MTUS2: variants seen among roughly 807,000 people sequenced by gnomAD.
MTUS2 encodes microtubule associated scaffold protein 2.
MTUS2 carries 40 observed loss-of-function variants against 114.1 expected under a neutral mutation model. That is an observed-to-expected ratio of 0.35 (90% CI 0.27 to 0.46). The LOEUF (loss-of-function observed/expected upper bound fraction) is 0.46. Among genes scored for constraint, MTUS2 ranks in the 20% least tolerant of loss-of-function variants. The pLI is 1.00. For synonymous variants in MTUS2, 688 were observed against 672.0 expected (o/e 1.02, Z -0.37); for missense variants, 1,679 against 1,705.4 (o/e 0.98, Z 0.27).
chr13:28,966,665 C>T (rs566478415), intron 2 of MTUS2, among the ~76,000 whole-genome samples: 9 of 136,892 alleles, frequency 6.6e-5, no homozygotes, highest in Non-Finnish European at 1.1e-4. Flanking sequence ...GTCCATGCTG[C>T]AGTGAGCTGT....
chr13:28,859,276 T>G (rs1876827270), intron 2 of MTUS2, among the ~76,000 whole-genome samples: 1 of 152,208 alleles, frequency 6.6e-6, no homozygotes, highest in Admixed American at 6.5e-5. Flanking sequence ...AACTGTGGGC[T>G]GCTTGTGGCA....
chr13:29,072,285 G>T (rs1379225951), intron 4 of MTUS2: 5 of 152,032 alleles, frequency 3.3e-5, no homozygotes, highest in Non-Finnish European at 4.4e-5. Flanking sequence ...TCTTACAATT[G>T]AATTACTCTC....
intron 8 of MTUS2, among the ~76,000 whole-genome samples, chr13:29,398,623 C>T (rs1028522990): frequency 4.6e-5 from 7 of 152,070 alleles, no homozygotes; most frequent in South Asian, 4.2e-4. Context: ...TGGAAATAAA[C>T]TTGGACCTGA....
chr13:28,877,925 T>C (rs1878043376), intron 2 of MTUS2, among the ~76,000 whole-genome samples: 1 of 152,180 alleles, frequency 6.6e-6, no homozygotes, highest in Non-Finnish European at 1.5e-5. Flanking sequence ...TGCTGGCTTG[T>C]TTGTTTTATC....
At position 29,064,697 on chromosome 13, in the gene MTUS2, G is replaced by A. The variant is rs150417854; in HGVS notation, c.2446+30572G>A. Among the ~76,000 whole-genome samples the A allele has an allele frequency of 2.5e-3, 379 of 152,102 alleles. 3 individuals carry two copies. Among genetic ancestry groups the A allele is most frequent in the Non-Finnish European group, 4.4e-3 (302 of 67,988 alleles). On this transcript the variant is annotated intron_variant, in intron 4 of 15. Coordinates refer to ENST00000612955, the MANE Select transcript of MTUS2 (RefSeq NM_001033602.4). ...TGTTATATAGGTTAGCATGTGACAGGGGTTTCTTATACAGATTATTTTGTC... is the reference window on the plus strand; with the variant it reads ...TGTTATATAGGTTAGCATGTGACAGAGGTTTCTTATACAGATTATTTTGTC...
At chr13:29,367,479 C>T (rs575616013) in intron 8 of MTUS2, among the ~76,000 whole-genome samples, 3 of 152,290 alleles carry the variant, frequency 2.0e-5, no homozygotes, top group African/African-American at 7.2e-5. Context: ...TTTTGGACAG[C>T]AGCTGCAGCG....
chr13:28,937,637 G>C (rs903166233), intron 2 of MTUS2, among the ~76,000 whole-genome samples: 2 of 152,156 alleles, frequency 1.3e-5, no homozygotes, highest in African/African-American at 4.8e-5. Context: ...GGACTTCCTA[G>C]CTCTCTGTCA....
intron 2 of MTUS2, among the ~76,000 whole-genome samples, chr13:28,923,334 G>A (rs1348037610): frequency 1.3e-5 from 2 of 152,194 alleles, no homozygotes; most frequent in Non-Finnish European, 2.9e-5. Flanking sequence ...TGATGATTGA[G>A]TTCTGATTGT....
intron 2 of MTUS2, among the ~76,000 whole-genome samples, chr13:28,977,325 T>G (rs925690300): frequency 2.0e-5 from 3 of 152,024 alleles, no homozygotes; most frequent in Non-Finnish European, 4.4e-5. Context: ...TTTAAGAGAG[T>G]AGGAATTTTA....
intron 4 of MTUS2, among the ~76,000 whole-genome samples, chr13:29,047,788 G>A (rs1324853023): frequency 6.6e-6 from 1 of 152,164 alleles, no homozygotes. Context: ...GGGATTACAG[G>A]CGTGAGCCAC....
chr13:28,924,397 T>A (rs1159041733), intron 2 of MTUS2, among the ~76,000 whole-genome samples: 1 of 152,202 alleles, frequency 6.6e-6, no homozygotes, highest in Non-Finnish European at 1.5e-5. Context: ...ATTTCCCTTG[T>A]CTTGAAAAGC....
At chr13:29,204,472 C>T (rs1895097450) in intron 5 of MTUS2, among the ~76,000 whole-genome samples, 1 of 152,240 alleles carries the variant, frequency 6.6e-6, no homozygotes, top group African/African-American at 2.4e-5. Flanking sequence ...TGGAAAGCAC[C>T]TCCAGGCCTC....
intron 2 of MTUS2, among the ~76,000 whole-genome samples, chr13:29,012,813 G>A (rs1316418197): frequency 6.6e-6 from 1 of 152,062 alleles, no homozygotes; most frequent in Non-Finnish European, 1.5e-5. Flanking sequence ...GGCAGAGGTT[G>A]CAGTGAGCCG....
rs1160678859 is a variant in MTUS2, at chr13:29,505,241, T to G, written c.*2035T>G. The G allele has an allele frequency of 4.3e-6, 1 of 231,742 alleles. No individual in the cohort carries two copies. The highest frequency in any genetic ancestry group is 8.6e-6 in the Non-Finnish European group (1 of 116,928). The allele number at this position is 231,742 out of a possible 1,614,324, so 14.4% of individuals were successfully genotyped here. A position where few individuals can be genotyped will look rare whatever the true frequency, so the allele number is the denominator to read the frequency against. ...CTTAGCTGTCCGAATTAGGAACCGC[T>G]TACATAGCCGCACCTGCTAAATGCA... On this transcript the variant is annotated 3_prime_UTR_variant, in exon 16 of 16. Coordinates refer to ENST00000612955, the MANE Select transcript of MTUS2 (RefSeq NM_001033602.4).
chr13:29,387,041 C>T lies in MTUS2; in HGVS notation c.3117+27568C>T, dbSNP rs144330751. ...TCCACAGATCTTTACTTAGTGCTTA[C>T]TATGTGCTAGGCAGGATGCTAGGCA... On this transcript the variant is annotated intron_variant, in intron 8 of 15. Transcript: ENST00000612955. Among the ~76,000 whole-genome samples, 261 of 152,340 alleles carry T rather than the reference C, an allele frequency of 1.7e-3. 1 individual carries two copies. Among genetic ancestry groups the T allele is most frequent in the Middle Eastern group, 0.014 (4 of 294 alleles).
At chr13:29,449,560 A>G (rs1878539388) in intron 9 of MTUS2, among the ~76,000 whole-genome samples, 1 of 152,226 alleles carries the variant, frequency 6.6e-6, no homozygotes. Context: ...AGAAAGAGTA[A>G]GTGATTTCCT....
intron 9 of MTUS2, among the ~76,000 whole-genome samples, chr13:29,478,844 CT>C (rs1880924754): frequency 6.6e-6 from 1 of 152,102 alleles, no homozygotes; most frequent in South Asian, 2.1e-4. Flanking sequence ...CAGTGTTAGG[CT>C]GCTGGGCTGT....
At chr13:28,892,395 A>T (rs1208302045) in intron 2 of MTUS2, among the ~76,000 whole-genome samples, 1 of 152,128 alleles carries the variant, frequency 6.6e-6, no homozygotes, top group Non-Finnish European at 1.5e-5. Flanking sequence ...GGGCAAGGTG[A>T]ACAGCAAGTT....
chr13:29,383,553 T>G (rs1332607824), intron 8 of MTUS2, among the ~76,000 whole-genome samples: 1 of 152,116 alleles, frequency 6.6e-6, no homozygotes, highest in East Asian at 1.9e-4. Flanking sequence ...TCTTCTGATT[T>G]GAGTAAAAAG....
Sources: allele counts gnomAD v4.1 joint callset (sites outside exome capture counted in the v4.1 genomes callset), GRCh38; gene constraint gnomAD v4.1.1; transcripts MANE v1.5; gene names NCBI Gene and HGNC (gene_info 2026-07-23, HGNC 2026-07-21).